Variants in FAM81B observed in about 807,000 individuals in gnomAD.
The protein encoded by FAM81B is protein FAM81B.
A neutral mutation model predicts 58.7 loss-of-function variants in FAM81B; 60 were observed. That is an observed-to-expected ratio of 1.02 (90% CI 0.83 to 1.27). The LOEUF (loss-of-function observed/expected upper bound fraction) is 1.27, where lower values mean the gene tolerates loss of function less well. Among genes scored for constraint, FAM81B ranks in the 50% most tolerant of loss-of-function variants. FAM81B has a pLI of 0.00. For missense variants in FAM81B, 491 were observed against 522.0 expected (o/e 0.94, Z 0.58); for synonymous variants, 189 against 179.6 (o/e 1.05, Z -0.42).
At chr5:95,408,193 C>A (rs1446947023) in intron 3 of FAM81B, among the ~76,000 whole-genome samples, 1 of 152,000 alleles carries the variant, frequency 6.6e-6, no homozygotes. Flanking sequence ...TATTGAAAGG[C>A]ACAACAAAAC....
intron 5 of FAM81B, 21 bp from the exon 6 acceptor site, chr5:95,428,582 C>A (rs139557479): frequency 6.2e-7 from 1 of 1,613,288 alleles, no homozygotes. Flanking sequence ...TGATCCACAC[C>A]AATTTCCATC....
intron 3 of FAM81B, among the ~76,000 whole-genome samples, chr5:95,413,238 C>T (rs983573484): frequency 3.3e-5 from 5 of 152,140 alleles, no homozygotes; most frequent in African/African-American, 9.7e-5. Context: ...ATCTTTCTCA[C>T]GTTGTGCACT....
At chr5:95,401,245 A>G (rs1362229178) in intron 3 of FAM81B, among the ~76,000 whole-genome samples, 1 of 152,018 alleles carries the variant, frequency 6.6e-6, no homozygotes, top group African/African-American at 2.4e-5. Context: ...AAGAATCACA[A>G]CCAGTTCTTT....
intron 5 of FAM81B, among the ~76,000 whole-genome samples, chr5:95,422,819 G>A (rs1334105116): frequency 6.6e-6 from 1 of 152,152 alleles, no homozygotes; most frequent in Non-Finnish European, 1.5e-5. Context: ...AAGAAACTAA[G>A]AGATCAATGA....
intron 5 of FAM81B, among the ~76,000 whole-genome samples, chr5:95,422,255 A>G (rs1762706147): frequency 6.6e-6 from 1 of 151,364 alleles, no homozygotes; most frequent in African/African-American, 2.4e-5. Flanking sequence ...GGAAAAAATA[A>G]CTGTCAGCCA....
At chr5:95,395,224 G>A (rs1166568811) in intron 2 of FAM81B, among the ~76,000 whole-genome samples, 5 of 152,020 alleles carry the variant, frequency 3.3e-5, no homozygotes, top group African/African-American at 1.2e-4. Flanking sequence ...CGGATCACAA[G>A]GTCAGGAGAT....
At chr5:95,437,664 C>A (rs1745160598) in intron 7 of FAM81B, among the ~76,000 whole-genome samples, 1 of 152,184 alleles carries the variant, frequency 6.6e-6, no homozygotes, top group Non-Finnish European at 1.5e-5. Flanking sequence ...AGACTGGTCT[C>A]TACCCCATCT....
chr5:95,405,143 G>A (rs903064021), intron 3 of FAM81B, among the ~76,000 whole-genome samples: 10 of 152,184 alleles, frequency 6.6e-5, no homozygotes, highest in African/African-American at 1.7e-4. Context: ...ATAACCGTGG[G>A]TTTGGAGCCT....
Position 95,450,265 on chromosome 5 carries a change from G to T in FAM81B, c.1342G>T (p.Glu448Ter). The change falls in exon 10 of 10, where the codon GAA becomes TAA. Residue 448 changes from glutamate (E) to a stop codon, truncating the protein, a stop_gained. Transcript: ENST00000283357. LOFTEE classifies it high-confidence loss of function. ...DLKKLQRKIV[E>*]LQEV is the part of the protein sequence containing the mutation. ...AAAGAAATTACAGCGCAAGATAGTG[G>T]AACTCCAGGAAGTATAAACCTTTTC... 6.2e-7 allele frequency: 1 copy of T among 1,612,550 alleles called. No individual in the cohort carries two copies. Among genetic ancestry groups the T allele is most frequent in the South Asian group, 1.1e-5 (1 of 90,742 alleles).
chr5:95,436,691 G>A (rs1745113493), intron 6 of FAM81B, 109 bp from the exon 7 acceptor site: 1 of 763,008 alleles, frequency 1.3e-6, no homozygotes, highest in African/African-American at 1.8e-5. Context: ...GCTCCTTAAA[G>A]GAATAAAGTA....
chr5:95,400,723 A>C (rs1248006855), intron 3 of FAM81B, among the ~76,000 whole-genome samples: 3 of 152,294 alleles, frequency 2.0e-5, no homozygotes, highest in Non-Finnish European at 4.4e-5. Flanking sequence ...AGAGTATTTC[A>C]GGTACACATC....
intron 2 of FAM81B, 95 bp downstream of exon 2, chr5:95,392,992 A>G: frequency 9.1e-7 from 1 of 1,094,484 alleles, no homozygotes; most frequent in East Asian, 3.0e-5. Context: ...GTTCTGGAAG[A>G]ATAGTTCTCC....
intron 7 of FAM81B, 52 bp from the exon 8 acceptor site, chr5:95,446,507 ATTT>A: frequency 6.9e-7 from 1 of 1,455,848 alleles, no homozygotes; most frequent in Non-Finnish European, 9.2e-7. Flanking sequence ...TTCAATACTA[ATTT>A]TTTATGTTTA....
At chr5:95,409,488 A>ATTTTTTTTTTTTTTTTTTT (rs1561295717) in intron 3 of FAM81B, among the ~76,000 whole-genome samples, 2 of 88,872 alleles carry the variant, frequency 2.3e-5, no homozygotes, top group African/African-American at 8.2e-5. Flanking sequence ...ATTTTTCTTA[A>ATTTTTTTTTTTTTTTTTTT]TGTGGCTATT....
At chr5:95,429,954 T>C (rs1744803583) in intron 6 of FAM81B, among the ~76,000 whole-genome samples, 1 of 152,194 alleles carries the variant, frequency 6.6e-6, no homozygotes, top group Non-Finnish European at 1.5e-5. Context: ...AGAACCACCA[T>C]ATTGGTTGTT....
At chr5:95,426,919 C>G (rs566686921) in intron 5 of FAM81B, among the ~76,000 whole-genome samples, 10 of 152,140 alleles carry the variant, frequency 6.6e-5, no homozygotes, top group South Asian at 2.1e-4. Flanking sequence ...CGTGGTGGCG[C>G]ATGCCTGTAG....
intron 3 of FAM81B, among the ~76,000 whole-genome samples, chr5:95,398,923 T>C (rs746669699): frequency 2.6e-5 from 4 of 152,222 alleles, no homozygotes; most frequent in African/African-American, 4.8e-5. Context: ...AAATTGGAAC[T>C]ATGATAGCAT....
At position 95,413,933 on chromosome 5, in the gene FAM81B, C is replaced by A. The variant is rs376537177; in HGVS notation, c.294-14C>A. The A allele has an allele frequency of 1.9e-6, 3 of 1,602,866 alleles. No individual in the cohort carries two copies. The African/African-American group carries it at 4.0e-5, about 22-fold the overall frequency. On this transcript the variant is annotated splice_polypyrimidine_tract_variant and intron_variant, in intron 3 of 9. Coordinates refer to ENST00000283357, the MANE Select transcript of FAM81B (RefSeq NM_152548.3). ...TGTAATGCCCTGGTGTTTCCTTTTC[C>A]TTTTTCTGATCAGGAGTCATGCTTT...
rs763704545 is a variant in FAM81B, at chr5:95,420,375, T to G, written c.629T>G (p.Val210Gly). The G allele has an allele frequency of 6.2e-7, 1 of 1,613,374 alleles. No individual in the cohort carries two copies. Among genetic ancestry groups the G allele is most frequent in the African/African-American group, 1.3e-5 (1 of 74,872 alleles). Reference sequence around the variant, plus strand: ...ATAAACATCAAACACCTACAAGGAGTTGGAGATCTTCGAGGAAGAGTAGCC... The same window carrying G: ...ATAAACATCAAACACCTACAAGGAGGTGGAGATCTTCGAGGAAGAGTAGCC... ...HEINIKHLQG[V>G]GDLRGRVARC... is the part of the protein sequence containing the mutation. The change falls in exon 5 of 10, where the codon GTT becomes GGT. Residue 210 changes from valine to glycine, a missense_variant. Transcript: ENST00000283357.
Sources: allele counts gnomAD v4.1 joint callset (sites outside exome capture counted in the v4.1 genomes callset), GRCh38; gene constraint gnomAD v4.1.1; transcripts MANE v1.5; gene names NCBI Gene and HGNC (gene_info 2026-07-23, HGNC 2026-07-21).